INO80D: variants seen among roughly 807,000 people sequenced by gnomAD.
INO80D encodes INO80 complex subunit D.
In INO80D, 21 loss-of-function variants were observed where a neutral mutation model predicts 87.6. The ratio of observed to expected loss-of-function variants is 0.24; its 90% confidence interval spans 0.17 to 0.35. The LOEUF is 0.35. INO80D is among the 10% of genes least tolerant of loss of function. INO80D has a pLI of 1.00. For missense variants in INO80D, 982 were observed against 1,280.7 expected (o/e 0.77, Z 3.56); for synonymous variants, 440 against 491.0 (o/e 0.90, Z 1.37).
intron 6 of INO80D, among the ~76,000 whole-genome samples, chr2:206,020,469 C>A (rs817999): frequency 0.64 from 97,960 of 151,954 alleles, 32,491 homozygotes; most frequent in South Asian, 0.74. Context: ...TGCAAAAAAA[C>A]TCTTCATCTC....
At chr2:206,006,833 G>T (rs574330295) in intron 10 of INO80D, among the ~76,000 whole-genome samples, 1 of 151,784 alleles carries the variant, frequency 6.6e-6, no homozygotes, top group Admixed American at 6.6e-5. Context: ...GATCACTTGG[G>T]GCCAGGAGTT....
At chr2:206,005,682 A>G (rs1559428441) in intron 10 of INO80D, 149 bp from the exon 11 acceptor site, 3 of 675,026 alleles carry the variant, frequency 4.4e-6, no homozygotes, top group East Asian at 5.5e-5. Flanking sequence ...GGAGGGAAAA[A>G]GTGAAATAAT....
intron 6 of INO80D, among the ~76,000 whole-genome samples, chr2:206,024,131 A>G (rs1336771077): frequency 2.6e-5 from 4 of 152,210 alleles, no homozygotes; most frequent in Non-Finnish European, 5.9e-5. Context: ...AGTTATCATT[A>G]TTTTATAACC....
At chr2:206,067,178 C>T (rs1689839419) in intron 1 of INO80D, among the ~76,000 whole-genome samples, 2 of 151,076 alleles carry the variant, frequency 1.3e-5, no homozygotes, top group African/African-American at 4.9e-5. Flanking sequence ...ACCCAGGAGG[C>T]GGAGGTTGCA....
At chr2:206,045,498 A>G (rs998912490) in intron 5 of INO80D, among the ~76,000 whole-genome samples, 1 of 152,210 alleles carries the variant, frequency 6.6e-6, no homozygotes, top group Non-Finnish European at 1.5e-5. Context: ...GTCAAACTGT[A>G]CCAAGTGAAT....
At position 206,052,041 on chromosome 2, in the gene INO80D, C is replaced by T. The variant is rs569300407; in HGVS notation, c.964+4157G>A. 2.3e-3 allele frequency among the ~76,000 whole-genome samples: 347 copies of T among 152,288 alleles called. 3 individuals are homozygous for T. Among genetic ancestry groups the T allele is most frequent in the African/African-American group, 7.9e-3 (328 of 41,558 alleles). On this transcript the variant is annotated intron_variant, in intron 4 of 10. Coordinates refer to ENST00000403263, the MANE Select transcript of INO80D (RefSeq NM_017759.5). ...TAAAGATTATTTATTTTTATTAAAT[C>T]GATCCCTGAGCACATGTCTTTATAC...
chr2:206,017,753 C>T lies in INO80D; in HGVS notation c.1469G>A (p.Gly490Glu). 1 of 1,613,644 alleles carries T rather than the reference C, an allele frequency of 6.2e-7. No homozygotes were observed. Among genetic ancestry groups the T allele is most frequent in the Non-Finnish European group, 8.5e-7 (1 of 1,179,782 alleles). The change falls in exon 8 of 11, where the codon GGA becomes GAA. Residue 490 changes from glycine (G) to glutamate (E), a missense_variant. Physicochemically the swap from Gly to Glu is moderately conservative, Grantham distance 98. Transcript: ENST00000403263. ...AAAAACTGGCACAGAGCACTGCTGT[C>T]CATCTGCAAACTTGGCTGTGCAACT... ...FSSCTAKFAD[G>E]QQCSVPVFDI...
rs375906117 is a variant in INO80D, at chr2:206,060,564, C to CTT, written c.218+2233_218+2234dup. ...AAAAAACAACAACAACAACTTAGTG[C>CTT]TTTTTTTTTTTTTGAGACGGAGTTT... On this transcript the variant is annotated intron_variant, in intron 3 of 10. Transcript: ENST00000403263. 4.0e-4 allele frequency among the ~76,000 whole-genome samples: 58 copies of CTT among 143,360 alleles called. 1 individual carries two copies. The highest frequency in any genetic ancestry group is 5.5e-4 in the Non-Finnish European group (36 of 65,614). 94.0% of individuals were successfully genotyped at this position (143,360 alleles called of 152,430 possible).
rs1174912486 is a variant in INO80D at position 206,019,835 on chromosome 2, T to C, written c.1309A>G (p.Thr437Ala). ...GCTGGTTCCACCTCCCTCAGCTTGG[T>C]CCGGCTTATGCTAAGGAAAGAAAAA... ...AACSRTSISR[T>A]KLREVEPAAC... The change falls in exon 7 of 11, where the codon ACC (threonine) becomes GCC (alanine). Residue 437 changes from threonine (T) to alanine (A), a missense_variant. Thr to Ala is a moderately conservative substitution (Grantham distance 58, BLOSUM62 0). Coordinates refer to ENST00000403263, the MANE Select transcript of INO80D (RefSeq NM_017759.5). 3 of 1,613,550 alleles carry C rather than the reference T, an allele frequency of 1.9e-6. No homozygotes were observed. In the Admixed American group the frequency reaches 5.0e-5, roughly 27 times the overall value.
chr2:206,072,098 C>G (rs1689987723), intron 1 of INO80D, among the ~76,000 whole-genome samples: 1 of 152,096 alleles, frequency 6.6e-6, no homozygotes, highest in Non-Finnish European at 1.5e-5. Flanking sequence ...GCCATCCATG[C>G]ATGGGGATTA....
chr2:206,009,171 G>A (rs139805813), intron 9 of INO80D, among the ~76,000 whole-genome samples: 1,530 of 152,282 alleles, frequency 0.01, 24 homozygotes, highest in African/African-American at 0.035. Context: ...TCAGCTGGGC[G>A]TGATGGCACA....
At chr2:206,019,651 C>A in intron 7 of INO80D, 85 bp downstream of exon 7, 1 of 882,974 alleles carries the variant, frequency 1.1e-6, no homozygotes, top group Non-Finnish European at 1.8e-6. Context: ...TTTCAAAAGT[C>A]ATTCACTTGA....
chr2:206,051,429 C>A (rs990183032), intron 4 of INO80D, among the ~76,000 whole-genome samples: 7 of 151,492 alleles, frequency 4.6e-5, no homozygotes, highest in African/African-American at 1.7e-4. Flanking sequence ...GAGAGACTTT[C>A]CAACAAATAT....
intron 5 of INO80D, among the ~76,000 whole-genome samples, chr2:206,032,698 A>T (rs1688799784): frequency 6.6e-6 from 1 of 152,154 alleles, no homozygotes. Flanking sequence ...ATCAGCCAAG[A>T]ATTTTGTATC....
At chr2:206,021,006 C>G (rs150149805) in intron 6 of INO80D, among the ~76,000 whole-genome samples, 168 of 151,856 alleles carry the variant, frequency 1.1e-3, no homozygotes, top group African/African-American at 3.9e-3. Context: ...ATCCCCATCT[C>G]TATTGAAAAA....
In INO80D at chr2:206,004,869, T is replaced by G. The variant is rs1161129141; in HGVS notation, c.2583A>C (p.Ser861=). 1 of 1,613,990 alleles carries G rather than the reference T, an allele frequency of 6.2e-7. No individual in the cohort carries two copies. The highest frequency in any genetic ancestry group is 2.2e-5 in the East Asian group (1 of 44,884). The change falls in exon 11 of 11, where the codon TCA becomes TCC. Residue 861 remains serine, a synonymous_variant. Coordinates refer to ENST00000403263, the MANE Select transcript of INO80D (RefSeq NM_017759.5). The surrounding 1 kb of genome is among the most constrained non-coding windows in gnomAD (Gnocchi z 4.9). ...GCTGCGCCATGATGGGCATCTCTGC[T>G]GAAAAGGTAGCTGCCATATTATCAC... ...YSGDNMAATF[S]AEMPIMAQHL...
intron 5 of INO80D, among the ~76,000 whole-genome samples, chr2:206,033,772 C>CA (rs772509004): frequency 6.6e-6 from 1 of 151,606 alleles, no homozygotes; most frequent in East Asian, 1.9e-4. Flanking sequence ...AACAAACAAA[C>CA]AAAAAAATAC....
intron 1 of INO80D, among the ~76,000 whole-genome samples, chr2:206,084,429 G>C (rs1200147560): frequency 6.6e-6 from 1 of 152,110 alleles, no homozygotes; most frequent in Non-Finnish European, 1.5e-5. Flanking sequence ...GTGATTATCA[G>C]AATAAATGAA....
intron 4 of INO80D, among the ~76,000 whole-genome samples, chr2:206,049,481 T>C (rs1355885687): frequency 6.6e-6 from 1 of 152,160 alleles, no homozygotes; most frequent in Non-Finnish European, 1.5e-5. Flanking sequence ...AATAGAATAA[T>C]TTCTCCTAAG....
Sources: gnomAD v4.1 joint callset for allele counts (sites outside exome capture counted in the v4.1 genomes callset) on GRCh38, gnomAD v4.1.1 for gene constraint, Gnocchi (gnomAD v3.1) non-coding constraint, MANE v1.5 for transcripts, NCBI Gene and HGNC (gene_info 2026-07-23, HGNC 2026-07-21) for gene names.